ERBB4: variants seen among roughly 807,000 people sequenced by gnomAD.
ERBB4 encodes the protein receptor tyrosine-protein kinase erbB-4.
A neutral mutation model predicts 158.0 loss-of-function variants in ERBB4; 42 were observed. That is an observed-to-expected ratio of 0.27 (90% CI 0.21 to 0.34). The LOEUF is 0.34. Among genes scored for constraint, ERBB4 ranks in the 10% least tolerant of loss-of-function variants. The pLI is 1.00. For missense variants in ERBB4, 1,333 were observed against 1,624.1 expected, an observed-to-expected ratio of 0.82 and a Z score of 3.08; for synonymous variants, 583 against 558.7, an observed-to-expected ratio of 1.04 and a Z score of -0.61.
At chr2:212,398,413 C>T (rs2091093374) in intron 1 of ERBB4, among the ~76,000 whole-genome samples, 1 of 152,046 alleles carries the variant, frequency 6.6e-6, no homozygotes, top group African/African-American at 2.4e-5. Context: ...AAGATTTCCA[C>T]ACTTCTCTGA....
chr2:212,322,175 T>C (rs1204676199), intron 1 of ERBB4, among the ~76,000 whole-genome samples: 1 of 150,524 alleles, frequency 6.6e-6, no homozygotes, highest in East Asian at 2.0e-4. Flanking sequence ...GCTTTTCTGT[T>C]GAGGCTGGAA....
chr2:211,958,633 C>T (rs190211734), intron 2 of ERBB4, among the ~76,000 whole-genome samples: 55 of 152,090 alleles, frequency 3.6e-4, no homozygotes, highest in African/African-American at 1.2e-3. Context: ...ACAACAAGAT[C>T]GCTCTTATTC....
At position 211,383,947 on chromosome 2, in the gene ERBB4, C is replaced by A. The variant is rs780519461; in HGVS notation, c.3595G>T (p.Glu1199Ter). The A allele has an allele frequency of 6.2e-7, 1 of 1,614,004 alleles. No individual in the cohort carries two copies. Among genetic ancestry groups the A allele is most frequent in the Non-Finnish European group, 8.5e-7 (1 of 1,179,976 alleles). Residue 1199 changes from glutamate to a stop codon, truncating the protein, a stop_gained, in exon 28 of 28, where the codon GAG (glutamate) becomes TAG (stop). Coordinates refer to ENST00000342788, the MANE Select transcript of ERBB4 (RefSeq NM_005235.3). LOFTEE classifies it high-confidence loss of function. ...AGTGGCTCATTCACATACTCATCCT[C>A]GGCCTTGGGTGGACCATTGGATGCA... ...HNASNGPPKAEDEYVNEPLYL... is the reference protein window; with the variant it reads ...HNASNGPPKA
chr2:211,441,386 G>A (rs2063971991), intron 20 of ERBB4, among the ~76,000 whole-genome samples: 1 of 152,016 alleles, frequency 6.6e-6, no homozygotes, highest in South Asian at 2.1e-4. Context: ...GTCACTACAG[G>A]CTTCAGGACA....
At chr2:211,878,706 G>A (rs1319349038) in intron 3 of ERBB4, among the ~76,000 whole-genome samples, 1 of 132,480 alleles carries the variant, frequency 7.5e-6, no homozygotes, top group African/African-American at 2.9e-5. Context: ...TGCCCAGACT[G>A]GAGTGCAGTG....
rs184679642 is a variant in ERBB4, at chr2:212,213,050, A to C, written c.83-88147T>G. ...AAAATGCCAAAAGCAATTGCAACGA[A>C]AGCCAAAATTGACAAATGGGATCTA... is the stretch of plus-strand genomic sequence containing the variant. On this transcript the variant is annotated intron_variant, in intron 1 of 27. Transcript: ENST00000342788. 2.7e-3 allele frequency among the ~76,000 whole-genome samples: 412 copies of C among 152,218 alleles called. 2 individuals are homozygous for C. Among genetic ancestry groups the C allele is most frequent in the Non-Finnish European group, 4.0e-3 (275 of 67,998 alleles).
chr2:211,627,218 G>A (rs1456449276), intron 17 of ERBB4, among the ~76,000 whole-genome samples: 1 of 152,102 alleles, frequency 6.6e-6, no homozygotes, highest in Non-Finnish European at 1.5e-5. Flanking sequence ...CCTCAAGCTG[G>A]CCATGAGGAA....
intron 1 of ERBB4, among the ~76,000 whole-genome samples, chr2:212,354,011 T>A (rs2089366212): frequency 6.6e-6 from 1 of 152,066 alleles, no homozygotes; most frequent in Admixed American, 6.6e-5. Flanking sequence ...TTTCAATGAG[T>A]GAAAAATAAA....
chr2:212,534,233 T>C (rs567117421), intron 1 of ERBB4, among the ~76,000 whole-genome samples: 17 of 152,350 alleles, frequency 1.1e-4, no homozygotes, highest in Admixed American at 1.1e-3. Context: ...CAATTTATTG[T>C]CTAAAATATG....
chr2:212,219,328 T>C (rs1366282288), intron 1 of ERBB4, among the ~76,000 whole-genome samples: 1 of 151,434 alleles, frequency 6.6e-6, no homozygotes. Flanking sequence ...TTTATAGCAA[T>C]CAATAAATAG....
chr2:211,957,136 C>T (rs2081056319), intron 2 of ERBB4, among the ~76,000 whole-genome samples: 1 of 151,970 alleles, frequency 6.6e-6, no homozygotes, highest in Non-Finnish European at 1.5e-5. Flanking sequence ...AGCCAAACCC[C>T]CATAATGTAT....
intron 19 of ERBB4, among the ~76,000 whole-genome samples, chr2:211,611,402 G>T (rs551774403): frequency 1.3e-5 from 2 of 152,194 alleles, no homozygotes; most frequent in Non-Finnish European, 2.9e-5. Flanking sequence ...AAAGTAAGGT[G>T]TGGAAGCTTT....
intron 2 of ERBB4, among the ~76,000 whole-genome samples, chr2:211,951,452 C>A (rs551279425): frequency 6.6e-6 from 1 of 152,056 alleles, no homozygotes; most frequent in East Asian, 1.9e-4. Flanking sequence ...AAAGAAGGAC[C>A]AACTAATGCA....
intron 4 of ERBB4, among the ~76,000 whole-genome samples, chr2:211,774,472 CTTAT>C (rs1471819458): frequency 6.6e-6 from 1 of 152,104 alleles, no homozygotes; most frequent in African/African-American, 2.4e-5. Context: ...GTCTTCTCAC[CTTAT>C]TTGTTTATAT....
intron 20 of ERBB4, among the ~76,000 whole-genome samples, chr2:211,505,490 A>C (rs2065722019): frequency 7.9e-6 from 1 of 126,474 alleles, no homozygotes; most frequent in South Asian, 2.7e-4. Flanking sequence ...AATGATACTC[A>C]CCATCATAAA....
rs1331799164 is a variant in ERBB4, at chr2:211,861,110, T to TA, written c.422-72952_422-72951insT. ...AAAATATATAAATACATTATATATA[T>TA]TTATATATATATTTTATATATATAT... On this transcript the variant is annotated intron_variant, in intron 3 of 27. Coordinates refer to ENST00000342788, the MANE Select transcript of ERBB4 (RefSeq NM_005235.3). Among the ~76,000 whole-genome samples the TA allele has an allele frequency of 5.1e-3, 138 of 27,314 alleles. 9 individuals are homozygous for TA. The highest frequency in any genetic ancestry group is 0.018 in the African/African-American group (101 of 5,768). The allele number at this position is 27,314 out of a possible 152,430, so 17.9% of individuals were successfully genotyped here.
chr2:212,535,984 A>C (rs1693034792), intron 1 of ERBB4, among the ~76,000 whole-genome samples: 2 of 152,236 alleles, frequency 1.3e-5, no homozygotes, highest in African/African-American at 2.4e-5. Context: ...GTGTCTAATA[A>C]TGCGAGAAGC....
chr2:211,622,850 C>T (rs1426672154), intron 18 of ERBB4, among the ~76,000 whole-genome samples: 1 of 146,888 alleles, frequency 6.8e-6, no homozygotes, highest in African/African-American at 2.5e-5. Flanking sequence ...GTAATCCCAG[C>T]TACTGGGGAG....
intron 2 of ERBB4, among the ~76,000 whole-genome samples, chr2:212,112,905 C>A (rs550888639): frequency 6.6e-6 from 1 of 152,130 alleles, no homozygotes; most frequent in Non-Finnish European, 1.5e-5. Context: ...TTTAACACAG[C>A]TTATTATCTG....
Sources: allele counts gnomAD v4.1 joint callset (sites outside exome capture counted in the v4.1 genomes callset), GRCh38; gene constraint gnomAD v4.1.1; transcripts MANE v1.5; gene names NCBI Gene and HGNC (gene_info 2026-07-23, HGNC 2026-07-21).